The following ADGRD1 variants were observed in gnomAD, a reference collection of about 807,000 sequenced individuals.
The protein encoded by ADGRD1 is G-protein coupled receptor 133.
In ADGRD1, 77 loss-of-function variants were observed where a neutral mutation model predicts 113.4. The ratio of observed to expected loss-of-function variants is 0.68; its 90% confidence interval spans 0.57 to 0.82. The LOEUF (loss-of-function observed/expected upper bound fraction) is 0.82, where lower values mean the gene tolerates loss of function less well. ADGRD1 is among the 40% of genes least tolerant of loss of function. The probability of loss-of-function intolerance (pLI) is 0.00; values close to 1 mark genes in which losing one functional copy is unlikely to be tolerated. For synonymous variants in ADGRD1, 474 were observed against 475.0 expected, an observed-to-expected ratio of 1.00 and a Z score of 0.03; for missense variants, 1,036 against 1,139.1, an observed-to-expected ratio of 0.91 and a Z score of 1.30.
At chr12:131,028,822 A>G (rs1880282242) in intron 13 of ADGRD1, among the ~76,000 whole-genome samples, 1 of 152,222 alleles carries the variant, frequency 6.6e-6, no homozygotes, top group Admixed American at 6.5e-5. Flanking sequence ...GCCACGTCCT[A>G]TGCCAAGGCC....
At chr12:131,053,321 GT>G (rs1388195469) in intron 13 of ADGRD1, among the ~76,000 whole-genome samples, 1 of 152,252 alleles carries the variant, frequency 6.6e-6, no homozygotes, top group African/African-American at 2.4e-5. Context: ...TCACGTGCAT[GT>G]GCTGTGGCAT....
intron 2 of ADGRD1, among the ~76,000 whole-genome samples, chr12:130,956,120 G>A (rs1019390976): frequency 6.6e-6 from 1 of 152,200 alleles, no homozygotes; most frequent in Non-Finnish European, 1.5e-5. Context: ...AACCACAAAT[G>A]GACTCAGGCC....
At chr12:130,972,626 A>G (rs1871809755) in intron 4 of ADGRD1, among the ~76,000 whole-genome samples, 1 of 152,120 alleles carries the variant, frequency 6.6e-6, no homozygotes, top group East Asian at 1.9e-4. Flanking sequence ...TACAAAGTAA[A>G]AAACAACCAT....
chr12:131,046,409 C>T, intron 13 of ADGRD1, among the ~76,000 whole-genome samples: 1 of 134,068 alleles, frequency 7.5e-6, no homozygotes, highest in Non-Finnish European at 1.6e-5. Flanking sequence ...CAGGGTCCTC[C>T]CTGGTCAGCG....
intron 13 of ADGRD1, among the ~76,000 whole-genome samples, chr12:131,058,557 G>A (rs374214405): frequency 1.3e-4 from 19 of 151,960 alleles, no homozygotes; most frequent in Admixed American, 3.3e-4. Flanking sequence ...TTTTATGTCC[G>A]GCCTGTTGGC....
intron 6 of ADGRD1, 44 bp from the exon 7 acceptor site, chr12:130,990,970 A>G (rs754357961): frequency 6.5e-7 from 1 of 1,533,290 alleles, no homozygotes; most frequent in Non-Finnish European, 9.0e-7. Context: ...GTGGTGAAAA[A>G]AGTGACCATG....
At chr12:130,997,939 C>G (rs1336274875) in intron 8 of ADGRD1, among the ~76,000 whole-genome samples, 2 of 152,324 alleles carry the variant, frequency 1.3e-5, no homozygotes, top group Admixed American at 6.5e-5. Flanking sequence ...AACCAGACAC[C>G]GTCTGCAATC....
chr12:130,983,881 G>T (rs1204759048), intron 5 of ADGRD1, among the ~76,000 whole-genome samples: 1 of 152,182 alleles, frequency 6.6e-6, no homozygotes, highest in Admixed American at 6.5e-5. Context: ...ACACATGCTG[G>T]CAGAACAAAG....
In ADGRD1 at chr12:131,084,591, C is replaced by T. The variant is rs1348679057; in HGVS notation, c.1599C>T (p.Asn533=). The change falls in exon 15 of 25, where the codon AAC becomes AAT. Residue 533 remains asparagine (N), a synonymous_variant. Transcript: ENST00000261654. The surrounding 1 kb of genome is among the most constrained non-coding windows in gnomAD (Gnocchi z 4.5). ...ACGGCTGTGCGCTCACGAGAGGAAA[C>T]CTCACCTACTCCGTCTGCCGCTGCA... ...SNHGCALTRG[N]LTYSVCRCTH... 3.1e-6 allele frequency: 5 copies of T among 1,613,984 alleles called. No individual in the cohort carries two copies. Among genetic ancestry groups the T allele is most frequent in the Middle Eastern group, 1.6e-4 (1 of 6,084 alleles).
intron 4 of ADGRD1, among the ~76,000 whole-genome samples, chr12:130,972,622 G>A (rs1871808991): frequency 6.6e-6 from 1 of 152,096 alleles, no homozygotes; most frequent in South Asian, 2.1e-4. Context: ...TTTTTACAAA[G>A]TAAAAAACAA....
intron 18 of ADGRD1, among the ~76,000 whole-genome samples, chr12:131,109,515 T>G (rs1357904485): frequency 6.6e-6 from 1 of 152,266 alleles, no homozygotes; most frequent in Non-Finnish European, 1.5e-5. Flanking sequence ...TTATTTATGT[T>G]GTTTAATTTG....
chr12:131,094,580 G>T (rs997223940), intron 15 of ADGRD1, among the ~76,000 whole-genome samples: 2 of 131,794 alleles, frequency 1.5e-5, no homozygotes, highest in East Asian at 4.5e-4. Flanking sequence ...TTGTTCAGCA[G>T]CGCCCCCCCG....
chr12:131,000,205 T>A (rs1876176934), intron 8 of ADGRD1, among the ~76,000 whole-genome samples, 178 bp from the exon 9 acceptor site: 1 of 152,218 alleles, frequency 6.6e-6, no homozygotes. Context: ...ATAACGTCCA[T>A]AAAAGGGCTT....
In ADGRD1 at chr12:130,966,872, G is replaced by C. The variant is rs1871060949; in HGVS notation, c.187+326G>C. 1 of 425,680 alleles carries C rather than the reference G, an allele frequency of 2.3e-6. No individual in the cohort carries two copies. The highest frequency in any genetic ancestry group is 2.5e-5 in the Admixed American group (1 of 40,546). 26.4% of individuals were successfully genotyped at this position (425,680 alleles called of 1,614,324 possible). A position where few individuals can be genotyped will look rare whatever the true frequency, so the allele number is the denominator to read the frequency against. ...CTGGCCTCAGCAATCCTCTGGCCTT[G>C]GCCTCCCAAAGTGCTGGAATTACAG... On this transcript the variant is annotated intron_variant, in intron 3 of 24. Transcript: ENST00000261654. The surrounding 1 kb of genome is among the most constrained non-coding windows in gnomAD (Gnocchi z 4.6).
rs114762119 is a variant in ADGRD1, at chr12:131,128,561, A to G, written c.2176-3164A>G. Reference sequence around the variant, plus strand: ...AGAATCTGATTTATGAAATGGCAACACAAAATTTACAGGAAAAGCTTAAGA... The same window carrying G: ...AGAATCTGATTTATGAAATGGCAACGCAAAATTTACAGGAAAAGCTTAAGA... On this transcript the variant is annotated intron_variant, in intron 20 of 24. Transcript: ENST00000261654. Among the ~76,000 whole-genome samples the G allele has an allele frequency of 7.8e-3, 1,191 of 152,328 alleles. 22 individuals carry two copies. Among genetic ancestry groups the G allele is most frequent in the African/African-American group, 0.027 (1,126 of 41,560 alleles).
chr12:131,091,568 A>G (rs931109449), intron 15 of ADGRD1, among the ~76,000 whole-genome samples: 21 of 152,226 alleles, frequency 1.4e-4, no homozygotes, highest in African/African-American at 4.1e-4. Flanking sequence ...TACATATCCC[A>G]TTTTTGTAAA....
chr12:131,007,323 G>A (rs1006243553), intron 12 of ADGRD1, among the ~76,000 whole-genome samples: 5 of 152,240 alleles, frequency 3.3e-5, no homozygotes, highest in African/African-American at 1.2e-4. Flanking sequence ...GAGACACTAC[G>A]TGGGGAAATG....
chr12:130,961,213 A>G (rs1870314843), intron 2 of ADGRD1, among the ~76,000 whole-genome samples: 2 of 152,328 alleles, frequency 1.3e-5, no homozygotes, highest in Admixed American at 1.3e-4. Context: ...AGAAAAATGG[A>G]AAAGGAAAAA....
chr12:131,002,893 C>G, intron 9 of ADGRD1: 1 of 1,055,530 alleles, frequency 9.5e-7, no homozygotes, highest in Middle Eastern at 3.8e-4. Flanking sequence ...AGGGAGGAGG[C>G]AGGACCAGGA....
Sources: gnomAD v4.1 joint callset for allele counts (sites outside exome capture counted in the v4.1 genomes callset) on GRCh38, gnomAD v4.1.1 for gene constraint, Gnocchi (gnomAD v3.1) non-coding constraint, MANE v1.5 for transcripts, NCBI Gene and HGNC (gene_info 2026-07-23, HGNC 2026-07-21) for gene names.